Variants in TMEM108 observed in about 807,000 individuals in gnomAD.
The protein encoded by TMEM108 is transmembrane protein 108, also known as cancer/testis antigen 124.
In TMEM108, 12 loss-of-function variants were observed where a neutral mutation model predicts 35.1. That is an observed-to-expected ratio of 0.34 (90% confidence interval 0.22 to 0.55). TMEM108 has a LOEUF of 0.55. Ranked by LOEUF, TMEM108 falls within the 20% of genes least tolerant of loss-of-function variation. The pLI, the probability that TMEM108 is intolerant of heterozygous loss-of-function variation, is 0.89. For synonymous variants in TMEM108, 287 were observed against 308.6 expected (o/e 0.93, Z 0.73); for missense variants, 680 against 753.3 (o/e 0.90, Z 1.14).
At chr3:133,259,884 C>A (rs1270155077) in intron 3 of TMEM108, among the ~76,000 whole-genome samples, 1 of 152,176 alleles carries the variant, frequency 6.6e-6, no homozygotes, top group Non-Finnish European at 1.5e-5. Context: ...TGTGTCAGTG[C>A]AGAATAGGCG....
chr3:133,329,514 G>A (rs2071368840), intron 3 of TMEM108, among the ~76,000 whole-genome samples: 1 of 152,122 alleles, frequency 6.6e-6, no homozygotes, highest in Non-Finnish European at 1.5e-5. Flanking sequence ...AAGGAAGGGG[G>A]AAATCCTGGG....
chr3:133,181,021 A>AAAAAAAC (rs1945332331), intron 2 of TMEM108, among the ~76,000 whole-genome samples: 1 of 144,290 alleles, frequency 6.9e-6, no homozygotes, highest in Admixed American at 6.8e-5. Context: ...AAAAAAAAAA[A>AAAAAAAC]AAAAAAAAAA....
At chr3:133,307,781 A>G (rs2071064262) in intron 3 of TMEM108, among the ~76,000 whole-genome samples, 1 of 152,012 alleles carries the variant, frequency 6.6e-6, no homozygotes, top group Non-Finnish European at 1.5e-5. Context: ...ATAGCCTTGT[A>G]GTATAATTTG....
intron 3 of TMEM108, among the ~76,000 whole-genome samples, chr3:133,325,731 A>G (rs1413294477): frequency 6.7e-6 from 1 of 149,578 alleles, no homozygotes; most frequent in Non-Finnish European, 1.5e-5. Context: ...TATATAAAAA[A>G]TAATAAAATA....
At chr3:133,054,337 A>G (rs1943440455) in intron 2 of TMEM108, among the ~76,000 whole-genome samples, 1 of 152,208 alleles carries the variant, frequency 6.6e-6, no homozygotes, top group Non-Finnish European at 1.5e-5. Context: ...TGATTGGGAA[A>G]TGGGGAATTG....
intron 3 of TMEM108, among the ~76,000 whole-genome samples, chr3:133,280,563 T>C (rs1295277176): frequency 6.6e-6 from 1 of 152,220 alleles, no homozygotes; most frequent in Non-Finnish European, 1.5e-5. Flanking sequence ...ATCCATTTGC[T>C]CTGTGAGGCC....
At chr3:133,111,804 G>T (rs566540800) in intron 2 of TMEM108, among the ~76,000 whole-genome samples, 1 of 152,266 alleles carries the variant, frequency 6.6e-6, no homozygotes, top group Admixed American at 6.5e-5. Context: ...GGTAGCTAAA[G>T]ACTTGTACTA....
chr3:133,283,750 C>T (rs75385898), intron 3 of TMEM108, among the ~76,000 whole-genome samples: 1,935 of 152,220 alleles, frequency 0.013, 16 homozygotes, highest in South Asian at 0.024. Flanking sequence ...AGTGAGATAG[C>T]GCATGCGAAC....
chr3:133,305,159 A>G (rs1445947991), intron 3 of TMEM108, among the ~76,000 whole-genome samples: 2 of 151,866 alleles, frequency 1.3e-5, no homozygotes, highest in Admixed American at 1.3e-4. Context: ...TGTGGCACAT[A>G]TACACCATGG....
chr3:133,392,229 C>T (rs1161510765), intron 5 of TMEM108, among the ~76,000 whole-genome samples: 2 of 151,524 alleles, frequency 1.3e-5, no homozygotes, highest in African/African-American at 4.9e-5. Context: ...GTGGTGTGAT[C>T]TCAGCTCACT....
intron 3 of TMEM108, among the ~76,000 whole-genome samples, chr3:133,356,033 T>C (rs1234506398): frequency 6.6e-6 from 1 of 152,102 alleles, no homozygotes; most frequent in Non-Finnish European, 1.5e-5. Context: ...GAAATCAAAC[T>C]GTCAGTGTTC....
At chr3:133,259,883 GCAGAATAGGCGGATGCCCA>G (rs1946600315) in intron 3 of TMEM108, among the ~76,000 whole-genome samples, 1 of 152,214 alleles carries the variant, frequency 6.6e-6, no homozygotes, top group Non-Finnish European at 1.5e-5. Context: ...CTGTGTCAGT[GCAGAATAGGCGGATGCCCA>G]CAGAAGGCTC....
chr3:133,225,720 A>G (rs1425988245), intron 2 of TMEM108, among the ~76,000 whole-genome samples: 1 of 152,210 alleles, frequency 6.6e-6, no homozygotes, highest in Non-Finnish European at 1.5e-5. Context: ...TCAAGTAACA[A>G]GTCTTTTTAA....
intron 2 of TMEM108, among the ~76,000 whole-genome samples, chr3:133,148,591 T>G (rs963351539): frequency 1.3e-5 from 2 of 152,218 alleles, no homozygotes; most frequent in African/African-American, 4.8e-5. Context: ...GTTCAGAATA[T>G]AAATCCTATT....
intron 3 of TMEM108, among the ~76,000 whole-genome samples, chr3:133,313,213 TTTG>T (rs2071155596): frequency 6.6e-6 from 1 of 151,758 alleles, no homozygotes; most frequent in African/African-American, 2.4e-5. Context: ...TTTTTTTTTT[TTTG>T]AGATGGAGTC....
chr3:133,165,910 A>G (rs1485246320), intron 2 of TMEM108, among the ~76,000 whole-genome samples: 3 of 152,220 alleles, frequency 2.0e-5, no homozygotes, highest in African/African-American at 7.2e-5. Context: ...TAGGCCCTAT[A>G]TGTCCAAAGG....
At chr3:133,298,766 G>T (rs2107701188) in intron 3 of TMEM108, among the ~76,000 whole-genome samples, 1 of 152,272 alleles carries the variant, frequency 6.6e-6, no homozygotes, top group Non-Finnish European at 1.5e-5. Context: ...ACAGAGATGG[G>T]CGTGTGCTCA....
At position 133,108,728 on chromosome 3, in the gene TMEM108, A is replaced by G. The variant is rs139900260; in HGVS notation, c.-47+62708A>G. Among the ~76,000 whole-genome samples the G allele has an allele frequency of 9.2e-5, 14 of 151,878 alleles. No homozygotes were observed. In the East Asian group the frequency reaches 2.7e-3, roughly 30 times the overall value. On this transcript the variant is annotated intron_variant, in intron 2 of 5. Transcript: ENST00000321871. ...TGGAAACCATCATTCTCAGCAAACT[A>G]TCGCAAGGACGAAAAACCAAACACC... is the stretch of plus-strand genomic sequence containing the variant.
chr3:133,164,149 T>C (rs1049922741), intron 2 of TMEM108, among the ~76,000 whole-genome samples: 5 of 152,238 alleles, frequency 3.3e-5, no homozygotes, highest in Non-Finnish European at 7.3e-5. Context: ...TCTCTATGTG[T>C]CTGCCTTCAC....
Sources: gnomAD v4.1 joint callset for allele counts (sites outside exome capture counted in the v4.1 genomes callset) on GRCh38, gnomAD v4.1.1 for gene constraint, MANE v1.5 for transcripts, NCBI Gene and HGNC (gene_info 2026-07-23, HGNC 2026-07-21) for gene names.